GRAMD1B: variants seen among roughly 807,000 people sequenced by gnomAD.
GRAMD1B encodes the protein protein Aster-B.
GRAMD1B carries 37 observed loss-of-function variants against 99.7 expected under a neutral mutation model. The observed-to-expected ratio is 0.37, with a 90% CI of 0.29 to 0.49. The LOEUF is 0.49. Among genes scored for constraint, GRAMD1B ranks in the 20% least tolerant of loss-of-function variants. The pLI is 0.98. For missense variants in GRAMD1B, 888 were observed against 1,009.2 expected, an observed-to-expected ratio of 0.88 and a Z score of 1.63; for synonymous variants, 427 against 387.6, an observed-to-expected ratio of 1.10 and a Z score of -1.19.
At chr11:123,594,032 A>G in intron 4 of GRAMD1B, 50 bp from the exon 5 acceptor site, 1 of 1,268,244 alleles carries the variant, frequency 7.9e-7, no homozygotes, top group East Asian at 2.3e-5. Flanking sequence ...TTCCTTCCTA[A>G]CCCCACAGAA....
At chr11:123,468,721 C>T (rs796893490) in intron 1 of GRAMD1B, among the ~76,000 whole-genome samples, 7 of 147,156 alleles carry the variant, frequency 4.8e-5, no homozygotes, top group Middle Eastern at 3.4e-3. Context: ...TGCTTGAGCC[C>T]GGGAGGCAGA....
At chr11:123,449,666 C>G (rs1477616613) in intron 1 of GRAMD1B, among the ~76,000 whole-genome samples, 1 of 148,408 alleles carries the variant, frequency 6.7e-6, no homozygotes, top group African/African-American at 2.5e-5. Context: ...CCTTGACATC[C>G]TGATCTCTTG....
chr11:123,469,888 T>C (rs1470377867), intron 1 of GRAMD1B, among the ~76,000 whole-genome samples: 1 of 152,160 alleles, frequency 6.6e-6, no homozygotes, highest in Non-Finnish European at 1.5e-5. Context: ...TGTATTTATT[T>C]ACTTGCCAAG....
At chr11:123,567,316 A>G (rs544948971) in intron 2 of GRAMD1B, among the ~76,000 whole-genome samples, 2 of 152,330 alleles carry the variant, frequency 1.3e-5, no homozygotes, top group African/African-American at 4.8e-5. Context: ...CTTAGGGGAT[A>G]TGAACCTTTT....
At chr11:123,402,422 T>G (rs1947699821) in intron 1 of GRAMD1B, among the ~76,000 whole-genome samples, 1 of 152,220 alleles carries the variant, frequency 6.6e-6, no homozygotes, top group Non-Finnish European at 1.5e-5. Flanking sequence ...ATTGTTATTT[T>G]TATTAGCCAG....
upstream of GRAMD1B, among the ~76,000 whole-genome samples, chr11:123,426,197 G>A (rs545520481): frequency 2.6e-5 from 4 of 152,314 alleles, no homozygotes; most frequent in African/African-American, 9.6e-5. Flanking sequence ...CACAGTAGTA[G>A]GGTGGGCTGG....
At chr11:123,498,521 A>C (rs1302430974) in intron 2 of GRAMD1B, among the ~76,000 whole-genome samples, 1 of 152,192 alleles carries the variant, frequency 6.6e-6, no homozygotes, top group Non-Finnish European at 1.5e-5. Context: ...TGCTCACCCA[A>C]CATTGTTTCT....
At chr11:123,524,652 A>G (rs1169520573) in intron 2 of GRAMD1B, among the ~76,000 whole-genome samples, 1 of 152,068 alleles carries the variant, frequency 6.6e-6, no homozygotes, top group African/African-American at 2.4e-5. Flanking sequence ...AGGAGAAATG[A>G]TTGGTTTTTC....
intron 1 of GRAMD1B, among the ~76,000 whole-genome samples, chr11:123,411,475 C>T (rs1159211482): frequency 1.3e-5 from 2 of 151,924 alleles, no homozygotes; most frequent in African/African-American, 2.4e-5. Context: ...GTAGAGCTCT[C>T]GAAATCATAA....
At chr11:123,607,927 CT>C (rs1231793362) in intron 11 of GRAMD1B, 1 of 152,412 alleles carries the variant, frequency 6.6e-6, no homozygotes, top group Non-Finnish European at 1.5e-5. Context: ...GGCTGGCAAT[CT>C]TCTGTATATG....
At chr11:123,365,510 C>G (rs1946290304) in intron 1 of GRAMD1B, among the ~76,000 whole-genome samples, 1 of 152,170 alleles carries the variant, frequency 6.6e-6, no homozygotes, top group South Asian at 2.1e-4. Context: ...CCTTAGCCTC[C>G]CAAAGTGTTG....
chr11:123,600,563 GT>G lies in GRAMD1B; in HGVS notation c.1050+18del, dbSNP rs1565443342. On this transcript the variant is annotated intron_variant, in intron 8 of 19. Transcript: ENST00000635736. ...TCCTTGAAAAGGTAAGTACGGCCGA[GT>G]TTGCTTTTACTGTGGGACTGGCTAT... 1 of 1,581,820 alleles carries G rather than the reference GT, an allele frequency of 6.3e-7. No homozygotes were observed. Among genetic ancestry groups the G allele is most frequent in the Non-Finnish European group, 8.7e-7 (1 of 1,151,822 alleles).
At chr11:123,509,778 T>C (rs1023171561) in intron 2 of GRAMD1B, 3 of 152,380 alleles carry the variant, frequency 2.0e-5, no homozygotes, top group Non-Finnish European at 4.4e-5. Context: ...GAGAGGAAGC[T>C]GTAGTCACTG....
chr11:123,505,487 GA>G (rs35855995), intron 2 of GRAMD1B, among the ~76,000 whole-genome samples: 4,117 of 152,226 alleles, frequency 0.027, 158 homozygotes, highest in African/African-American at 0.084. Flanking sequence ...ACCACTGAAT[GA>G]AAAACAAACA....
At chr11:123,488,454 C>T (rs937344091) in intron 2 of GRAMD1B, among the ~76,000 whole-genome samples, 1 of 152,208 alleles carries the variant, frequency 6.6e-6, no homozygotes, top group Admixed American at 6.5e-5. Flanking sequence ...TAACTGGCTG[C>T]CTGGCCCTGC....
chr11:123,566,635 G>A (rs71490020), intron 2 of GRAMD1B, among the ~76,000 whole-genome samples: 9,873 of 152,192 alleles, frequency 0.065, 472 homozygotes, highest in Admixed American at 0.1. Flanking sequence ...GCGTGGTGGC[G>A]GGCGCCTGTA....
chr11:123,366,109 G>T (rs555351756), intron 1 of GRAMD1B, among the ~76,000 whole-genome samples: 84 of 152,286 alleles, frequency 5.5e-4, no homozygotes, highest in African/African-American at 1.8e-3. Flanking sequence ...AACTCAGTTG[G>T]CAGCAATCAA....
At chr11:123,515,927 C>T (rs933556161) in intron 2 of GRAMD1B, among the ~76,000 whole-genome samples, 1 of 152,068 alleles carries the variant, frequency 6.6e-6, no homozygotes, top group African/African-American at 2.4e-5. Flanking sequence ...AACACCACGC[C>T]GGGCTAATTT....
chr11:123,399,804 G>C (rs1435479523), intron 1 of GRAMD1B, among the ~76,000 whole-genome samples: 3 of 152,130 alleles, frequency 2.0e-5, no homozygotes, highest in Admixed American at 2.0e-4. Flanking sequence ...ATTTTTAGTA[G>C]AGACAGGGTT....
Sources: allele counts gnomAD v4.1 joint callset (sites outside exome capture counted in the v4.1 genomes callset), GRCh38; gene constraint gnomAD v4.1.1; transcripts MANE v1.5; gene names NCBI Gene and HGNC (gene_info 2026-07-23, HGNC 2026-07-21).